FAM185A: variants seen among roughly 807,000 people sequenced by gnomAD.
The protein encoded by FAM185A is family with sequence similarity 185 member A, also known as protein FAM185A.
In FAM185A, 21 loss-of-function variants were observed where a neutral mutation model predicts 45.7. The ratio of observed to expected loss-of-function variants is 0.46; its 90% confidence interval spans 0.33 to 0.66. The LOEUF (loss-of-function observed/expected upper bound fraction) is 0.66. Ranked by LOEUF, FAM185A falls within the 30% of genes least tolerant of loss-of-function variation. FAM185A has a pLI of 0.03. For synonymous variants in FAM185A, 117 were observed against 194.0 expected (o/e 0.60, Z 3.30); for missense variants, 305 against 485.4 (o/e 0.63, Z 3.49).
intron 4 of FAM185A, among the ~76,000 whole-genome samples, chr7:102,765,700 G>A (rs1214160709): frequency 6.6e-6 from 1 of 152,178 alleles, no homozygotes; most frequent in Non-Finnish European, 1.5e-5. Context: ...GTAAGAAACT[G>A]AGTAAGCTAA....
chr7:102,807,050 T>TA (rs912727123), intron 7 of FAM185A, among the ~76,000 whole-genome samples: 3 of 152,088 alleles, frequency 2.0e-5, no homozygotes, highest in African/African-American at 7.2e-5. Flanking sequence ...TCAAAATAAT[T>TA]ACGCTGAATG....
intron 7 of FAM185A, among the ~76,000 whole-genome samples, chr7:102,794,268 TA>T (rs1796316887): frequency 6.6e-6 from 1 of 152,096 alleles, no homozygotes; most frequent in Non-Finnish European, 1.5e-5. Flanking sequence ...TATTAAACCA[TA>T]GCCAAATCCT....
At chr7:102,830,746 T>C in the FAM185A span, among the ~76,000 whole-genome samples, 1 of 152,202 alleles carries the variant, frequency 6.6e-6, no homozygotes, top group Non-Finnish European at 1.5e-5. Context: ...TGTGATGCTG[T>C]AGTAAACAAA....
chr7:102,764,286 C>T (rs1471290567), intron 4 of FAM185A, among the ~76,000 whole-genome samples: 1 of 149,176 alleles, frequency 6.7e-6, no homozygotes, highest in South Asian at 2.1e-4. Context: ...AGTGCCTCGA[C>T]TTTTAAAAAA....
At chr7:102,749,785 G>C in intron 1 of FAM185A, 127 bp downstream of exon 1, 1 of 1,433,808 alleles carries the variant, frequency 7.0e-7, no homozygotes, top group South Asian at 1.5e-5. Flanking sequence ...GGCCCCTTCG[G>C]AAATGCACCT....
the FAM185A span, among the ~76,000 whole-genome samples, chr7:102,849,558 C>T: frequency 2.0e-5 from 3 of 152,298 alleles, no homozygotes; most frequent in African/African-American, 7.2e-5. Context: ...ATCTAAGTAA[C>T]GAGAGAGCAT....
At chr7:102,821,122 T>G in the FAM185A span, among the ~76,000 whole-genome samples, 1 of 152,246 alleles carries the variant, frequency 6.6e-6, no homozygotes, top group Non-Finnish European at 1.5e-5. Context: ...CTGTTAATAA[T>G]CTAACAAGTT....
chr7:102,838,956 T>C, the FAM185A span, among the ~76,000 whole-genome samples: 2 of 152,156 alleles, frequency 1.3e-5, no homozygotes, highest in Non-Finnish European at 2.9e-5. Flanking sequence ...AGGAGGATAG[T>C]AAAAGAGGAA....
At chr7:102,770,168 A>G (rs1198846423) in intron 4 of FAM185A, among the ~76,000 whole-genome samples, 1 of 151,978 alleles carries the variant, frequency 6.6e-6, no homozygotes, top group Non-Finnish European at 1.5e-5. Context: ...TAGGATAGTC[A>G]GTAGACTTAG....
chr7:102,838,902 G>A, the FAM185A span, among the ~76,000 whole-genome samples: 15 of 152,250 alleles, frequency 9.9e-5, no homozygotes, highest in East Asian at 2.3e-3. Context: ...CAAAGACCTC[G>A]TGGGATGGTC....
chr7:102,812,097 A>G (rs1797466027), downstream of FAM185A, among the ~76,000 whole-genome samples: 1 of 152,116 alleles, frequency 6.6e-6, no homozygotes, highest in Non-Finnish European at 1.5e-5. Flanking sequence ...GGAAATAGAA[A>G]GGTTAAAAGG....
chr7:102,785,062 G>A (rs1795690284), intron 6 of FAM185A, among the ~76,000 whole-genome samples: 1 of 152,156 alleles, frequency 6.6e-6, no homozygotes, highest in Non-Finnish European at 1.5e-5. Flanking sequence ...TAAATCATGA[G>A]TGAACTCCCA....
intron 7 of FAM185A, among the ~76,000 whole-genome samples, chr7:102,794,359 A>G (rs1796320672): frequency 6.6e-6 from 1 of 152,246 alleles, no homozygotes; most frequent in East Asian, 1.9e-4. Flanking sequence ...CTTTTAAGAA[A>G]CAGTGCAACC....
the FAM185A span, among the ~76,000 whole-genome samples, chr7:102,845,010 G>A: frequency 6.6e-6 from 1 of 152,184 alleles, no homozygotes; most frequent in Admixed American, 6.5e-5. Flanking sequence ...TCCCCACAGA[G>A]TTGGAGTGCA....
chr7:102,817,477 G>T, the FAM185A span, among the ~76,000 whole-genome samples: 1 of 150,738 alleles, frequency 6.6e-6, no homozygotes, highest in Non-Finnish European at 1.5e-5. Context: ...TTGTTGATTT[G>T]TTTAAGTTCT....
intron 7 of FAM185A, among the ~76,000 whole-genome samples, chr7:102,788,739 T>C (rs904664049): frequency 6.6e-6 from 1 of 152,218 alleles, no homozygotes; most frequent in African/African-American, 2.4e-5. Context: ...AGAGTGAACT[T>C]ATACAAACCT....
intron 4 of FAM185A, among the ~76,000 whole-genome samples, chr7:102,769,843 G>C (rs1304990002): frequency 6.6e-6 from 1 of 151,100 alleles, no homozygotes; most frequent in African/African-American, 2.4e-5. Context: ...TCTTATAACA[G>C]ACTCACTCTT....
intron 6 of FAM185A, among the ~76,000 whole-genome samples, chr7:102,784,674 G>A (rs945962322): frequency 2.7e-4 from 41 of 152,086 alleles, no homozygotes; most frequent in African/African-American, 9.2e-4. Flanking sequence ...GTATTGCTGG[G>A]ATGTATCTCA....
At chr7:102,755,657 G>A in intron 2 of FAM185A, 2 of 586,462 alleles carry the variant, frequency 3.4e-6, no homozygotes, top group South Asian at 3.5e-5. Context: ...TGCCTGTCCT[G>A]TGTCATAAAA....
Sources: gnomAD v4.1 joint callset for allele counts (sites outside exome capture counted in the v4.1 genomes callset) on GRCh38, gnomAD v4.1.1 for gene constraint, MANE v1.5 for transcripts, NCBI Gene and HGNC (gene_info 2026-07-23, HGNC 2026-07-21) for gene names.